HPSE2: variants seen among roughly 807,000 people sequenced by gnomAD.
HPSE2 encodes the protein inactive heparanase-2.
Under a neutral mutation model 60.5 loss-of-function variants are expected in HPSE2, and 38 were observed. The ratio of observed to expected loss-of-function variants is 0.63; its 90% CI spans 0.48 to 0.82. HPSE2 has a LOEUF of 0.82. Among genes scored for constraint, HPSE2 ranks in the 40% least tolerant of loss-of-function variants. The pLI, the probability that HPSE2 is intolerant of heterozygous loss-of-function variation, is 0.00. For synonymous variants in HPSE2, 295 were observed against 293.2 expected, an observed-to-expected ratio of 1.01 and a Z score of -0.06; for missense variants, 713 against 740.4, an observed-to-expected ratio of 0.96 and a Z score of 0.43.
chr10:98,803,148 G>A (rs1345665855), intron 3 of HPSE2, among the ~76,000 whole-genome samples: 7 of 151,444 alleles, frequency 4.6e-5, no homozygotes, highest in South Asian at 4.2e-4. Context: ...CATGTCCTTT[G>A]CCCACTTTTT....
intron 3 of HPSE2, among the ~76,000 whole-genome samples, chr10:98,987,027 G>A (rs1262235653): frequency 2.6e-5 from 4 of 152,018 alleles, no homozygotes; most frequent in Admixed American, 1.3e-4. Flanking sequence ...AAAAAGTCCA[G>A]GACCAGATGG....
intron 2 of HPSE2, among the ~76,000 whole-genome samples, chr10:99,176,557 A>G (rs1047763262): frequency 2.0e-5 from 3 of 152,168 alleles, no homozygotes; most frequent in Admixed American, 1.3e-4. Flanking sequence ...ATAAAGTGTG[A>G]AGGCAAGATT....
At chr10:98,816,675 T>G (rs1951297732) in intron 3 of HPSE2, among the ~76,000 whole-genome samples, 1 of 152,124 alleles carries the variant, frequency 6.6e-6, no homozygotes, top group African/African-American at 2.4e-5. Context: ...AGAAGAGGTT[T>G]ACAATTTAGG....
chr10:98,863,870 T>A (rs1952520653), intron 3 of HPSE2, among the ~76,000 whole-genome samples: 1 of 152,140 alleles, frequency 6.6e-6, no homozygotes. Context: ...ACCCAAAAAC[T>A]TTTAAGTGAA....
At chr10:99,140,844 C>T (rs1845841087) in intron 3 of HPSE2, among the ~76,000 whole-genome samples, 1 of 152,314 alleles carries the variant, frequency 6.6e-6, no homozygotes, top group South Asian at 2.1e-4. Flanking sequence ...TGAGACCACC[C>T]TGGCCAATAT....
intron 3 of HPSE2, among the ~76,000 whole-genome samples, chr10:98,991,082 A>G (rs1956512177): frequency 6.6e-6 from 1 of 152,194 alleles, no homozygotes; most frequent in Non-Finnish European, 1.5e-5. Flanking sequence ...GCCTTCATCT[A>G]TCAAATGGCT....
chr10:99,203,725 C>T (rs139152526), intron 2 of HPSE2, among the ~76,000 whole-genome samples: 20 of 152,186 alleles, frequency 1.3e-4, no homozygotes, highest in East Asian at 1.9e-4. Flanking sequence ...CTGAACCAAC[C>T]GCCAGGCTGG....
chr10:98,590,398 G>A (rs1945056824), intron 9 of HPSE2, among the ~76,000 whole-genome samples: 1 of 152,234 alleles, frequency 6.6e-6, no homozygotes, highest in African/African-American at 2.4e-5. Flanking sequence ...AGCCAAGATT[G>A]CACCACTGCA....
chr10:98,845,367 G>T (rs1952010382), intron 3 of HPSE2, among the ~76,000 whole-genome samples: 1 of 152,132 alleles, frequency 6.6e-6, no homozygotes, highest in Non-Finnish European at 1.5e-5. Flanking sequence ...CAGGTGGTTG[G>T]TAGCAGTGAT....
rs745556418 is a variant in HPSE2 at position 99,235,694 on chromosome 10, G to A, written c.109C>T (p.Leu37Phe). ...CTCCTGTCTCCAGCCTGGGAGGAAA[G>A]GGAGAGATGGAGCAACAGAGCCAAG... ...LYLALLLHLSLSSQAGDRRPL... is the reference protein window; with the variant it reads ...LYLALLLHLSFSSQAGDRRPL... The change falls in exon 1 of 12, where the codon CTT (leucine) becomes TTT (phenylalanine). Residue 37 changes from leucine (L) to phenylalanine (F), a missense_variant. Coordinates refer to ENST00000370552, the MANE Select transcript of HPSE2 (RefSeq NM_021828.5). The A allele has an allele frequency of 3.1e-6, 5 of 1,614,098 alleles. No homozygotes were observed. Among genetic ancestry groups the A allele is most frequent in the Non-Finnish European group, 2.5e-6 (3 of 1,180,028 alleles).
intron 3 of HPSE2, among the ~76,000 whole-genome samples, chr10:98,769,466 G>A (rs754156174): frequency 1.3e-5 from 2 of 152,094 alleles, no homozygotes. Context: ...CTCAGTTTCT[G>A]GCAAAGGTTC....
At chr10:99,086,406 G>A (rs542117227) in intron 3 of HPSE2, among the ~76,000 whole-genome samples, 83 of 126,562 alleles carry the variant, frequency 6.6e-4, no homozygotes, top group Non-Finnish European at 1.1e-3. Flanking sequence ...AGGCTGGAGT[G>A]CAGTGGCGGG....
intron 3 of HPSE2, among the ~76,000 whole-genome samples, chr10:98,846,006 G>A (rs1028972256): frequency 1.3e-5 from 2 of 152,154 alleles, no homozygotes; most frequent in Non-Finnish European, 2.9e-5. Flanking sequence ...CCTGGCATGT[G>A]GTGTGGGATT....
chr10:99,194,526 T>TAA (rs200563458), intron 2 of HPSE2, among the ~76,000 whole-genome samples: 1 of 145,002 alleles, frequency 6.9e-6, no homozygotes, highest in East Asian at 2.0e-4. Context: ...TTAGCCAGAT[T>TAA]AAAAAAAAAA....
chr10:98,629,586 C>G (rs1278289044), intron 7 of HPSE2, among the ~76,000 whole-genome samples: 3 of 152,190 alleles, frequency 2.0e-5, no homozygotes, highest in Admixed American at 2.0e-4. Context: ...CTGCCCCTCC[C>G]TGAGTTCTGG....
At chr10:98,548,406 C>T in intron 9 of HPSE2, among the ~76,000 whole-genome samples, 1 of 152,122 alleles carries the variant, frequency 6.6e-6, no homozygotes, top group Non-Finnish European at 1.5e-5. Flanking sequence ...GGCTTGAGGT[C>T]AGGAGTTCAA....
intron 6 of HPSE2, among the ~76,000 whole-genome samples, chr10:98,648,740 A>G (rs1946841384): frequency 6.7e-6 from 1 of 149,838 alleles, no homozygotes; most frequent in Non-Finnish European, 1.5e-5. Context: ...GAGACTCTCT[A>G]AAAAAAAAAT....
chr10:99,144,246 A>G lies in HPSE2; in HGVS notation c.602T>C (p.Ile201Thr). 6.2e-7 allele frequency: 1 copy of G among 1,613,918 alleles called. No individual in the cohort carries two copies. The highest frequency in any genetic ancestry group is 8.5e-7 in the Non-Finnish European group (1 of 1,179,992). ...AACTCCAATAGCCTTACCTGTTAAT[A>G]TGAGATTACTGTAAGTATTGGAGAA... Reference protein sequence around the residue: ...EQFSNTYSNLILTARSLDKLY... With the variant: ...EQFSNTYSNLTLTARSLDKLY... Residue 201 changes from isoleucine (I) to threonine (T), a missense_variant, in exon 3 of 12, where the codon ATA becomes ACA. Ile to Thr is a moderately conservative substitution (Grantham distance 89). Transcript: ENST00000370552.
intron 9 of HPSE2, among the ~76,000 whole-genome samples, chr10:98,614,641 A>G: frequency 6.6e-6 from 1 of 152,124 alleles, no homozygotes; most frequent in Admixed American, 6.5e-5. Context: ...ATAAATGAAT[A>G]TATGTATATT....
Sources: allele counts gnomAD v4.1 joint callset (sites outside exome capture counted in the v4.1 genomes callset), GRCh38; gene constraint gnomAD v4.1.1; transcripts MANE v1.5; gene names NCBI Gene and HGNC (gene_info 2026-07-23, HGNC 2026-07-21).